AKAP8L: variants seen among roughly 807,000 people sequenced by gnomAD.
The protein encoded by AKAP8L is A-kinase anchoring protein 8 like.
AKAP8L carries 34 observed loss-of-function variants against 77.5 expected under a neutral mutation model. The observed-to-expected ratio is 0.44, with a 90% CI of 0.33 to 0.58. The LOEUF (loss-of-function observed/expected upper bound fraction) is 0.58. AKAP8L is among the 20% of genes least tolerant of loss of function. The pLI is 0.02. For synonymous variants in AKAP8L, 342 were observed against 340.7 expected, an observed-to-expected ratio of 1.00 and a Z score of -0.04; for missense variants, 806 against 887.6, an observed-to-expected ratio of 0.91 and a Z score of 1.17.
intron 12 of AKAP8L, chr19:15,383,235 A>C (rs1240513036): frequency 1.3e-5 from 2 of 152,228 alleles, no homozygotes; most frequent in African/African-American, 4.8e-5. Flanking sequence ...TAGAGATAGG[A>C]GTCTCACTCT....
chr19:15,414,348 C>A (rs533631244), intron 1 of AKAP8L, among the ~76,000 whole-genome samples: 2 of 152,220 alleles, frequency 1.3e-5, no homozygotes, highest in South Asian at 2.1e-4. Flanking sequence ...TGAGCCACCA[C>A]GCCCGGCCTA....
intron 12 of AKAP8L, among the ~76,000 whole-genome samples, chr19:15,387,115 G>A (rs1482347841): frequency 2.0e-5 from 3 of 152,206 alleles, no homozygotes; most frequent in Non-Finnish European, 4.4e-5. Flanking sequence ...GAATATAAGG[G>A]CTCACATACC....
rs1282820994 is a variant in AKAP8L, at chr19:15,400,248, G to A, written c.1048+47C>T. 5 of 1,598,766 alleles carry A rather than the reference G, an allele frequency of 3.1e-6. No individual in the cohort carries two copies. In the Admixed American group the frequency reaches 8.3e-5, roughly 27 times the overall value. ...CTCAGCTGGGTCCCTCCCACTGTGA[G>A]CCCCTGGAAGAGCCGCCCTAGCACC... is the stretch of plus-strand genomic sequence containing the variant. On this transcript the variant is annotated intron_variant, in intron 8 of 13. Transcript: ENST00000397410.
chr19:15,416,579 C>T (rs769694249), intron 1 of AKAP8L, among the ~76,000 whole-genome samples: 19 of 152,202 alleles, frequency 1.2e-4, no homozygotes, highest in Non-Finnish European at 2.5e-4. Context: ...ACATAGAGAT[C>T]CTAAATGTAA....
rs535072484 is a variant in AKAP8L at position 15,418,849 on chromosome 19, G to A, written c.13+62C>T. ...GGGGAGGTGCGGGCAAGCCTGGTGC[G>A]GCATCCGCACGTCCCTGTCCCATCC... On this transcript the variant is annotated intron_variant, in intron 1 of 13. Coordinates refer to ENST00000397410, the MANE Select transcript of AKAP8L (RefSeq NM_014371.4). 3.9e-5 allele frequency: 60 copies of A among 1,523,576 alleles called. No individual in the cohort carries two copies. The East Asian group carries it at 1.0e-3, about 26-fold the overall frequency. The allele number at this position is 1,523,576 out of a possible 1,614,324, so 94.4% of individuals were successfully genotyped here. A position where few individuals can be genotyped will look rare whatever the true frequency, so the allele number is the denominator to read the frequency against.
At chr19:15,417,744 C>G (rs1403389246) in intron 1 of AKAP8L, 1 of 152,226 alleles carries the variant, frequency 6.6e-6, no homozygotes, top group Non-Finnish European at 1.5e-5. Flanking sequence ...TCTCAAAATT[C>G]CAAGTAGAAT....
At chr19:15,400,738 C>G (rs747124792) in intron 7 of AKAP8L, 56 bp downstream of exon 7, 1 of 1,600,754 alleles carries the variant, frequency 6.2e-7, no homozygotes, top group Admixed American at 1.7e-5. Context: ...GAGCACCACT[C>G]TTTAGGCCAG....
intron 1 of AKAP8L, among the ~76,000 whole-genome samples, chr19:15,415,885 CAA>C (rs1457611915): frequency 1.6e-5 from 1 of 63,972 alleles, no homozygotes. Flanking sequence ...GACTCCGTCT[CAA>C]AAAAAAAAAC....
intron 2 of AKAP8L, chr19:15,404,303 T>C: frequency 4.2e-6 from 2 of 473,234 alleles, no homozygotes; most frequent in Non-Finnish European, 7.5e-6. Context: ...TTGGCTCCTA[T>C]ACTCCTCCCT....
At chr19:15,404,336 G>C in intron 2 of AKAP8L, 1 of 401,178 alleles carries the variant, frequency 2.5e-6, no homozygotes, top group East Asian at 4.8e-5. Flanking sequence ...ATTAGAAGGT[G>C]ACCTCCACAC....
rs1410695584 is a variant in AKAP8L at position 15,397,902 on chromosome 19, G to A, written c.1158-47C>T. On this transcript the variant is annotated intron_variant, in intron 9 of 13. Coordinates refer to ENST00000397410, the MANE Select transcript of AKAP8L (RefSeq NM_014371.4). The surrounding 1 kb of genome is among the most constrained non-coding windows in gnomAD (Gnocchi z 4.7). ...GGGCTGAGGCTGCAAGTGTCCCAGG[G>A]GATAGTGCTGCCGCCTCACCCAACC... is the stretch of plus-strand genomic sequence containing the variant. 6.3e-6 allele frequency: 10 copies of A among 1,595,174 alleles called. 1 individual carries two copies. The South Asian group carries it at 1.0e-4, about 16-fold the overall frequency.
chr19:15,410,472 G>A (rs1261810959), intron 2 of AKAP8L, 48 bp downstream of exon 2: 1 of 1,492,612 alleles, frequency 6.7e-7, no homozygotes, highest in Non-Finnish European at 9.1e-7. Flanking sequence ...AGAAGACAAG[G>A]AACTGCTCTG....
chr19:15,387,009 G>A lies in AKAP8L; in HGVS notation c.1537-6397C>T, dbSNP rs544830249. 7.2e-4 allele frequency among the ~76,000 whole-genome samples: 110 copies of A among 152,294 alleles called. 1 individual carries two copies. The highest frequency in any genetic ancestry group is 1.6e-4 in the Non-Finnish European group (11 of 68,038). On this transcript the variant is annotated intron_variant, in intron 12 of 13. Coordinates refer to ENST00000397410, the MANE Select transcript of AKAP8L (RefSeq NM_014371.4). ...CCCAGCTACCTGCTGATGAGGCTAA[G>A]TTCTAGACAAGCATAGCTGAGAGAG... is the stretch of plus-strand genomic sequence containing the variant.
Position 15,401,300 on chromosome 19 carries a change from G to A in AKAP8L, c.666C>T (p.Phe222=). The change falls in exon 5 of 14, where the codon TTC becomes TTT. Residue 222 remains phenylalanine (F), a synonymous_variant. Coordinates refer to ENST00000397410, the MANE Select transcript of AKAP8L (RefSeq NM_014371.4). This position sits in a 1 kb window ranked among gnomAD's most constrained non-coding sequence, Gnocchi z 6.2. Reference sequence around the variant, plus strand: ...CGTACTCGGGGATGATGTTCTGGGAGAAGAGGGAGGGCAGCCGAGAGGCAC... The same window carrying A: ...CGTACTCGGGGATGATGTTCTGGGAAAAGAGGGAGGGCAGCCGAGAGGCAC... The part of the protein sequence containing the change: ...MSGASRLPSL[F]SQNIIPEYGM... 6.2e-7 allele frequency: 1 copy of A among 1,613,620 alleles called. No homozygotes were observed. Among genetic ancestry groups the A allele is most frequent in the Non-Finnish European group, 8.5e-7 (1 of 1,179,898 alleles).
chr19:15,409,323 C>T (rs767332613), intron 2 of AKAP8L, among the ~76,000 whole-genome samples: 11 of 152,204 alleles, frequency 7.2e-5, no homozygotes, highest in Non-Finnish European at 1.6e-4. Flanking sequence ...TTAGGGACTA[C>T]ATTTGATGAA....
chr19:15,389,435 G>C (rs1295830102), intron 12 of AKAP8L, among the ~76,000 whole-genome samples: 1 of 152,110 alleles, frequency 6.6e-6, no homozygotes, highest in East Asian at 1.9e-4. Context: ...AAGAAACAAT[G>C]GCTGAAAGCT....
In AKAP8L at chr19:15,380,249, G is replaced by A. The variant is rs1040936534; in HGVS notation, c.1814C>T (p.Pro605Leu). 94 of 1,496,620 alleles carry A rather than the reference G, an allele frequency of 6.3e-5. No individual in the cohort carries two copies. The highest frequency in any genetic ancestry group is 7.9e-5 in the Non-Finnish European group (89 of 1,133,502). 92.7% of individuals were successfully genotyped at this position (1,496,620 alleles called of 1,614,324 possible). The change falls in exon 14 of 14, where the codon CCG (proline) becomes CTG (leucine). Residue 605 changes from proline to leucine, a missense_variant. By Grantham distance (98) the Pro-to-Leu change is moderately conservative. Around this residue, in one of 2 missense-constraint regions of AKAP8L, gnomAD observed 226 missense variants for 193.5 expected, o/e 1.17. Coordinates refer to ENST00000397410, the MANE Select transcript of AKAP8L (RefSeq NM_014371.4). ...PAPGAVSPPP[P>L]PPPEEEEEGA... ...CTCCTCCTCCTCCTCTGGGGGCGGCGGCGGTGGCGGCGACACGGCCCCGGG... is the reference window on the plus strand; with the variant it reads ...CTCCTCCTCCTCCTCTGGGGGCGGCAGCGGTGGCGGCGACACGGCCCCGGG...
At chr19:15,382,179 G>C (rs1967432053) in intron 12 of AKAP8L, 1 of 150,314 alleles carries the variant, frequency 6.7e-6, no homozygotes, top group South Asian at 2.1e-4. Flanking sequence ...ACTATTTTCT[G>C]ATCTTGGTTT....
chr19:15,381,875 T>C (rs973072132), intron 12 of AKAP8L: 2 of 152,372 alleles, frequency 1.3e-5, no homozygotes, highest in East Asian at 1.9e-4. Flanking sequence ...TAGAATAAAC[T>C]TGTACACTTC....
Sources: gnomAD v4.1 joint callset for allele counts (sites outside exome capture counted in the v4.1 genomes callset) on GRCh38, gnomAD v4.1.1 for gene constraint, gnomAD v4.1.1 regional missense constraint, Gnocchi (gnomAD v3.1) non-coding constraint, MANE v1.5 for transcripts, NCBI Gene and HGNC (gene_info 2026-07-23, HGNC 2026-07-21) for gene names.